The following CIB1 variants were observed in gnomAD, a reference collection of about 807,000 sequenced individuals.
CIB1 encodes the protein calcium and integrin binding 1, also known as calcium and integrin-binding protein 1.
Under a neutral mutation model 25.0 loss-of-function variants are expected in CIB1, and 19 were observed. The ratio of observed to expected loss-of-function variants is 0.76; its 90% CI spans 0.53 to 1.12. CIB1 has a LOEUF of 1.12. CIB1 is among the 50% of genes most tolerant of loss of function. The pLI is 0.00. For missense variants in CIB1, 236 were observed against 242.6 expected (o/e 0.97, Z 0.18); for synonymous variants, 104 against 98.5 (o/e 1.06, Z -0.33).
chr15:90,264,717 C>G, the CIB1 span: 1 of 1,535,670 alleles, frequency 6.5e-7, no homozygotes, highest in Non-Finnish European at 8.7e-7. Flanking sequence ...GTTTCCACTG[C>G]AGAAGGACAA....
At chr15:90,256,412 C>A in the CIB1 span, 1 of 1,319,814 alleles carries the variant, frequency 7.6e-7, no homozygotes, top group Non-Finnish European at 1.1e-6. Context: ...CCCACTAGCC[C>A]CGTTTTCCTG....
chr15:90,263,999 T>C, the CIB1 span: 1 of 1,536,086 alleles, frequency 6.5e-7, no homozygotes, highest in Non-Finnish European at 8.7e-7. Context: ...TCCTGTTCAT[T>C]GTCAATGAAG....
chr15:90,245,091 T>G, the CIB1 span: 1 of 152,228 alleles, frequency 6.6e-6, no homozygotes, highest in African/African-American at 2.4e-5. Flanking sequence ...AGCCTTAGTT[T>G]CCAGTTTTCA....
chr15:90,256,766 G>A, the CIB1 span, among the ~76,000 whole-genome samples: 1 of 151,742 alleles, frequency 6.6e-6, no homozygotes, highest in African/African-American at 2.4e-5. Context: ...TCAGCTCCCT[G>A]CAACCTCCGC....
At chr15:90,264,801 G>A in the CIB1 span, 1 of 1,536,070 alleles carries the variant, frequency 6.5e-7, no homozygotes, top group South Asian at 1.2e-5. Context: ...CCAAAGCAGG[G>A]CTATTTTCTG....
the CIB1 span, among the ~76,000 whole-genome samples, chr15:90,261,656 T>C: frequency 6.6e-6 from 1 of 152,116 alleles, no homozygotes; most frequent in Non-Finnish European, 1.5e-5. Context: ...GGTGCATGCC[T>C]GTAATCCCAG....
the CIB1 span, chr15:90,253,194 C>T: frequency 1.4e-6 from 2 of 1,471,414 alleles, no homozygotes; most frequent in South Asian, 1.2e-5. Flanking sequence ...CTACACAGTT[C>T]CAGGGCTTGT....
At chr15:90,241,942 AGG>A in the CIB1 span, 1 of 1,614,152 alleles carries the variant, frequency 6.2e-7, no homozygotes, top group African/African-American at 1.3e-5. Context: ...AAAACATCCC[AGG>A]ACTTCAGCAG....
At chr15:90,264,095 A>G in the CIB1 span, 1 of 1,325,992 alleles carries the variant, frequency 7.5e-7, no homozygotes, top group Non-Finnish European at 1.0e-6. Context: ...ATTTTGACAT[A>G]TGTAAATCCC....
In CIB1 at chr15:90,233,844, G is replaced by A; in HGVS notation, c.42C>T (p.Ala14=). The change falls in exon 1 of 7, where the codon GCC becomes GCT. Residue 14 remains alanine (A), a synonymous_variant. Transcript: ENST00000328649. The part of the protein sequence containing the change: ...SGSRLSKELL[A]EYQDLTFLTK... ...CAGGCGTCCCGCGCACCTGGTACTC[G>A]GCCAGCAGCTCCTTGGACAGGCGAC... 2.0e-6 allele frequency: 3 copies of A among 1,536,958 alleles called. No homozygotes were observed. Among genetic ancestry groups the A allele is most frequent in the Non-Finnish European group, 1.8e-6 (2 of 1,141,106 alleles).
chr15:90,257,614 C>T, the CIB1 span: 26 of 1,610,880 alleles, frequency 1.6e-5, no homozygotes, highest in Non-Finnish European at 2.2e-5. Flanking sequence ...CAGTCTGAGA[C>T]CACAGGGCCA....
At chr15:90,263,490 G>T in the CIB1 span, 1 of 508,370 alleles carries the variant, frequency 2.0e-6, no homozygotes, top group South Asian at 3.2e-5. Flanking sequence ...TTTCTCCCTA[G>T]CACTGCCAGT....
chr15:90,250,708 A>C, the CIB1 span: 2 of 1,614,068 alleles, frequency 1.2e-6, no homozygotes, highest in African/African-American at 2.7e-5. Flanking sequence ...AGTGTGTTAA[A>C]GAGGGAGTTA....
At chr15:90,241,732 G>A in the CIB1 span, 7 of 1,614,194 alleles carry the variant, frequency 4.3e-6, no homozygotes, top group African/African-American at 5.3e-5. Context: ...AGGGTATGTC[G>A]GGCCACTGAT....
the CIB1 span, chr15:90,262,578 G>T: frequency 6.5e-7 from 1 of 1,534,896 alleles, no homozygotes; most frequent in East Asian, 2.4e-5. Flanking sequence ...CAGAACCAGG[G>T]TGAATCAGCT....
the CIB1 span, chr15:90,256,070 A>C: frequency 5.1e-6 from 8 of 1,580,896 alleles, no homozygotes; most frequent in East Asian, 1.6e-4. Context: ...AGATAGCAGG[A>C]AGAGCTCCAT....
chr15:90,241,512 C>G, the CIB1 span: 3 of 1,613,692 alleles, frequency 1.9e-6, no homozygotes, highest in Non-Finnish European at 1.7e-6. Flanking sequence ...CCCGGGCTTC[C>G]GTGTCGGCTT....
At chr15:90,234,709 C>T (rs143356715), upstream of CIB1, 1 of 152,190 alleles carries the variant, frequency 6.6e-6, no homozygotes, top group Admixed American at 6.5e-5. Flanking sequence ...CTTTTAAAGG[C>T]TCTCCACTGC....
the CIB1 span, chr15:90,257,941 C>T: frequency 3.9e-5 from 47 of 1,216,622 alleles, no homozygotes; most frequent in Middle Eastern, 2.2e-4. Flanking sequence ...CTTCAAAGCC[C>T]GGGCATGCAA....
Sources: allele counts gnomAD v4.1 joint callset (sites outside exome capture counted in the v4.1 genomes callset), GRCh38; gene constraint gnomAD v4.1.1; transcripts MANE v1.5; gene names NCBI Gene and HGNC (gene_info 2026-07-23, HGNC 2026-07-21).